The following HIPK2 variants were observed in gnomAD, a reference collection of about 807,000 sequenced individuals.
HIPK2 encodes the protein homeodomain interacting protein kinase 2.
Under a neutral mutation model 113.7 loss-of-function variants are expected in HIPK2, and 27 were observed. That is an observed-to-expected ratio of 0.24 (90% confidence interval 0.17 to 0.33). HIPK2 has a LOEUF of 0.33. HIPK2 is among the 10% of genes least tolerant of loss of function. The pLI, the probability that HIPK2 is intolerant of heterozygous loss-of-function variation, is 1.00. For missense variants in HIPK2, 1,257 were observed against 1,588.0 expected (o/e 0.79, Z 3.54); for synonymous variants, 631 against 642.2 (o/e 0.98, Z 0.26).
At chr7:139,614,039 G>A (rs1211024177) in intron 8 of HIPK2, among the ~76,000 whole-genome samples, 1 of 152,220 alleles carries the variant, frequency 6.6e-6, no homozygotes, top group African/African-American at 2.4e-5. Context: ...GCTGGCCAGG[G>A]ACACAGTCCC....
intron 12 of HIPK2, among the ~76,000 whole-genome samples, chr7:139,594,991 G>A (rs1486970533): frequency 1.3e-5 from 2 of 152,242 alleles, no homozygotes; most frequent in East Asian, 1.9e-4. Flanking sequence ...CTGGCTTTGC[G>A]TTCCACTCTC....
At chr7:139,624,831 T>C (rs139542344) in intron 6 of HIPK2, among the ~76,000 whole-genome samples, 77 of 152,334 alleles carry the variant, frequency 5.1e-4, no homozygotes, top group South Asian at 1.4e-3. Flanking sequence ...AGAAGACTCA[T>C]CTGTCTTCTC....
chr7:139,680,043 C>G (rs985455240), intron 2 of HIPK2, among the ~76,000 whole-genome samples: 8 of 152,146 alleles, frequency 5.3e-5, no homozygotes, highest in Admixed American at 3.3e-4. Flanking sequence ...ACAAGGAGGC[C>G]GGAAGGCCGG....
chr7:139,748,804 C>T (rs1199621737), intron 1 of HIPK2, among the ~76,000 whole-genome samples: 1 of 152,144 alleles, frequency 6.6e-6, no homozygotes, highest in African/African-American at 2.4e-5. Context: ...CATCCCCTGA[C>T]AGGCCCTCAA....
chr7:139,639,077 G>GC (rs1800915657), intron 2 of HIPK2, among the ~76,000 whole-genome samples: 1 of 152,160 alleles, frequency 6.6e-6, no homozygotes, highest in Non-Finnish European at 1.5e-5. Context: ...AAGCTGCTTC[G>GC]TAAACAGCTG....
chr7:139,598,832 C>T (rs1799315979), intron 11 of HIPK2, among the ~76,000 whole-genome samples: 1 of 152,158 alleles, frequency 6.6e-6, no homozygotes, highest in African/African-American at 2.4e-5. Flanking sequence ...CATGACAGCC[C>T]ATGAGGATTG....
intron 1 of HIPK2, among the ~76,000 whole-genome samples, chr7:139,728,721 G>A (rs1476101272): frequency 6.6e-6 from 1 of 152,120 alleles, no homozygotes; most frequent in African/African-American, 2.4e-5. Context: ...ATAGTTTTAA[G>A]GAAACCAAAA....
At chr7:139,707,649 T>C (rs533300758) in intron 2 of HIPK2, among the ~76,000 whole-genome samples, 2 of 152,340 alleles carry the variant, frequency 1.3e-5, no homozygotes, top group South Asian at 4.1e-4. Context: ...TGGGGACAGA[T>C]ACTGCAGAGC....
intron 1 of HIPK2, among the ~76,000 whole-genome samples, chr7:139,754,474 G>C (rs1452128689): frequency 6.6e-6 from 1 of 152,182 alleles, no homozygotes; most frequent in African/African-American, 2.4e-5. Context: ...TGTGCACAGA[G>C]CAAGAAAGCT....
chr7:139,672,642 T>C (rs187183249), intron 2 of HIPK2, among the ~76,000 whole-genome samples: 4 of 152,262 alleles, frequency 2.6e-5, no homozygotes, highest in Admixed American at 6.5e-5. Flanking sequence ...GTATTTTCAG[T>C]AGTGATGGGG....
chr7:139,597,079 C>T (rs1799248001), intron 11 of HIPK2, 81 bp from the exon 12 acceptor site: 3 of 1,450,898 alleles, frequency 2.1e-6, no homozygotes, highest in African/African-American at 1.4e-5. Context: ...TGCCTAGAAA[C>T]ACCTGCTTTG....
At chr7:139,573,601 GGA>G (rs1798386929) in intron 14 of HIPK2, among the ~76,000 whole-genome samples, 1 of 152,122 alleles carries the variant, frequency 6.6e-6, no homozygotes, top group African/African-American at 2.4e-5. Context: ...CAGCACTTTG[GGA>G]GGCAGAGGTG....
chr7:139,773,415 A>G (rs10278165), intron 1 of HIPK2, among the ~76,000 whole-genome samples: 18,581 of 152,220 alleles, frequency 0.12, 3,769 homozygotes, highest in African/African-American at 0.42. Context: ...TATAAAGTCT[A>G]CTGCCATTAT....
chr7:139,678,056 T>G (rs1051208375), intron 2 of HIPK2, among the ~76,000 whole-genome samples: 6 of 152,184 alleles, frequency 3.9e-5, no homozygotes, highest in Non-Finnish European at 8.8e-5. Flanking sequence ...CGGCCACTTT[T>G]TGATGGGGTT....
intron 2 of HIPK2, among the ~76,000 whole-genome samples, chr7:139,651,622 G>A (rs1219819736): frequency 6.6e-6 from 1 of 152,178 alleles, no homozygotes; most frequent in African/African-American, 2.4e-5. Flanking sequence ...GCGAGCTGGA[G>A]GGGGACAAAT....
chr7:139,712,502 A>G (rs1049077618), intron 2 of HIPK2, among the ~76,000 whole-genome samples: 4 of 152,216 alleles, frequency 2.6e-5, no homozygotes, highest in African/African-American at 9.6e-5. Context: ...GGCCGAGGGG[A>G]GAAAGTCCCC....
At chr7:139,769,672 G>A (rs1796615569) in intron 1 of HIPK2, among the ~76,000 whole-genome samples, 1 of 152,146 alleles carries the variant, frequency 6.6e-6, no homozygotes, top group Non-Finnish European at 1.5e-5. Context: ...TCATTTATCC[G>A]ACATCCTTGG....
At chr7:139,705,633 T>A (rs965355073) in intron 2 of HIPK2, among the ~76,000 whole-genome samples, 28 of 152,068 alleles carry the variant, frequency 1.8e-4, no homozygotes, top group Non-Finnish European at 2.6e-4. Flanking sequence ...CGCCTCGGCC[T>A]CCCAAAGTGC....
rs1798057075 is a variant in HIPK2, at chr7:139,565,206, A to T, written c.*7721T>A. 6.6e-6 allele frequency: 1 copy of T among 152,190 alleles called. No individual in the cohort carries two copies. The highest frequency in any genetic ancestry group is 2.4e-5 in the African/African-American group (1 of 41,438). 9.4% of individuals were successfully genotyped at this position (152,190 alleles called of 1,614,324 possible). ...ATAATGTATCTAAAACCTTCTAAAAAAAAAAAAAATCTTTAGGTGTTCTGC... is the reference window on the plus strand; with the variant it reads ...ATAATGTATCTAAAACCTTCTAAAATAAAAAAAAATCTTTAGGTGTTCTGC... On this transcript the variant is annotated 3_prime_UTR_variant, in exon 15 of 15. Transcript: ENST00000406875.
Sources: gnomAD v4.1 joint callset for allele counts (sites outside exome capture counted in the v4.1 genomes callset) on GRCh38, gnomAD v4.1.1 for gene constraint, MANE v1.5 for transcripts, NCBI Gene and HGNC (gene_info 2026-07-23, HGNC 2026-07-21) for gene names.